LRP1B: variants seen among roughly 807,000 people sequenced by gnomAD.
LRP1B encodes the protein LDL receptor related protein 1B.
In LRP1B, 217 loss-of-function variants were observed where a neutral mutation model predicts 556.6. That is an observed-to-expected ratio of 0.39 (90% confidence interval 0.35 to 0.44). The LOEUF (loss-of-function observed/expected upper bound fraction) is 0.44, where lower values mean the gene tolerates loss of function less well. Ranked by LOEUF, LRP1B falls within the 20% of genes least tolerant of loss-of-function variation. The pLI, the probability that LRP1B is intolerant of heterozygous loss-of-function variation, is 1.00. For synonymous variants in LRP1B, 2,047 were observed against 1,865.8 expected (o/e 1.10, Z -2.50); for missense variants, 5,053 against 5,620.8 (o/e 0.90, Z 3.23).
chr2:141,154,127 C>T (rs1702008329), intron 7 of LRP1B, among the ~76,000 whole-genome samples: 1 of 151,798 alleles, frequency 6.6e-6, no homozygotes, highest in African/African-American at 2.4e-5. Flanking sequence ...TTCACTTGTT[C>T]AGTTCAATAG....
intron 29 of LRP1B, among the ~76,000 whole-genome samples, chr2:140,843,227 C>T (rs1396783799): frequency 6.6e-6 from 1 of 151,646 alleles, no homozygotes; most frequent in East Asian, 1.9e-4. Flanking sequence ...AATTGTAAAG[C>T]ATAGCCAAAT....
chr2:140,931,690 G>A lies in LRP1B; in HGVS notation c.3137-8543C>T, dbSNP rs548604519. On this transcript the variant is annotated intron_variant, in intron 20 of 90. Transcript: ENST00000389484. ...GTATCACCCAAGTTAAAGTACTATC[G>A]AAGCAAAATCTACATAAAACATTGA... 3.9e-5 allele frequency among the ~76,000 whole-genome samples: 6 copies of A among 152,126 alleles called. No individual in the cohort carries two copies. The South Asian group carries it at 1.0e-3, about 26-fold the overall frequency.
intron 3 of LRP1B, among the ~76,000 whole-genome samples, chr2:141,311,303 C>A (rs184541537): frequency 2.0e-5 from 3 of 152,126 alleles, no homozygotes; most frequent in Admixed American, 6.6e-5. Context: ...ATGATGCCAA[C>A]CTGAATTCTA....
chr2:140,959,822 C>G (rs573939792), intron 18 of LRP1B, among the ~76,000 whole-genome samples: 1 of 151,710 alleles, frequency 6.6e-6, no homozygotes, highest in Admixed American at 6.6e-5. Flanking sequence ...TTTAAAACTA[C>G]AGAAATTTCA....
intron 87 of LRP1B, among the ~76,000 whole-genome samples, chr2:140,245,424 A>T (rs1403260773): frequency 6.6e-6 from 1 of 151,408 alleles, no homozygotes; most frequent in East Asian, 1.9e-4. Flanking sequence ...AGTCTATGCT[A>T]TTTCTTGTCA....
intron 3 of LRP1B, among the ~76,000 whole-genome samples, chr2:141,457,949 C>T (rs1381451409): frequency 6.6e-6 from 1 of 151,970 alleles, no homozygotes; most frequent in Non-Finnish European, 1.5e-5. Flanking sequence ...GTAGTATGGT[C>T]AAAGGGAATC....
At chr2:141,899,352 A>G (rs1251690630) in intron 1 of LRP1B, among the ~76,000 whole-genome samples, 1 of 152,158 alleles carries the variant, frequency 6.6e-6, no homozygotes, top group Admixed American at 6.6e-5. Flanking sequence ...ATGCTGTGGT[A>G]AATACTTTTT....
At chr2:141,075,048 A>C (rs1327791260) in intron 7 of LRP1B, among the ~76,000 whole-genome samples, 1 of 152,120 alleles carries the variant, frequency 6.6e-6, no homozygotes, top group Admixed American at 6.6e-5. Context: ...TATTCCGAAA[A>C]GGGTTAGATT....
chr2:141,391,568 G>A (rs2104906399), intron 3 of LRP1B, among the ~76,000 whole-genome samples: 1 of 152,120 alleles, frequency 6.6e-6, no homozygotes, highest in East Asian at 1.9e-4. Context: ...TAATTGATTT[G>A]GGCCTAGTCT....
chr2:142,062,273 C>A (rs1353744537), intron 1 of LRP1B, among the ~76,000 whole-genome samples: 1 of 151,832 alleles, frequency 6.6e-6, no homozygotes, highest in Admixed American at 6.6e-5. Context: ...CTAGCTGCTA[C>A]TCACATACTG....
intron 2 of LRP1B, among the ~76,000 whole-genome samples, chr2:141,759,535 AT>A (rs1314927051): frequency 6.6e-6 from 1 of 152,218 alleles, no homozygotes; most frequent in African/African-American, 2.4e-5. Flanking sequence ...CAAAGATATA[AT>A]AGAAGAATAT....
intron 1 of LRP1B, among the ~76,000 whole-genome samples, chr2:141,991,913 G>A (rs931912445): frequency 1.3e-5 from 2 of 152,050 alleles, no homozygotes; most frequent in Admixed American, 6.6e-5. Flanking sequence ...ATAGAAGAGT[G>A]ACACTCTATA....
intron 67 of LRP1B, among the ~76,000 whole-genome samples, chr2:140,381,108 G>A (rs1034357328): frequency 2.6e-5 from 4 of 151,886 alleles, no homozygotes; most frequent in African/African-American, 9.7e-5. Context: ...ATATACCTCA[G>A]AATCTTTTGC....
At chr2:141,479,290 A>G (rs545619672) in intron 3 of LRP1B, among the ~76,000 whole-genome samples, 1 of 152,324 alleles carries the variant, frequency 6.6e-6, no homozygotes, top group South Asian at 2.1e-4. Flanking sequence ...AGGCCCCCAG[A>G]CAGGTTTTGT....
At chr2:141,602,157 A>G (rs1246365724) in intron 2 of LRP1B, among the ~76,000 whole-genome samples, 1 of 152,106 alleles carries the variant, frequency 6.6e-6, no homozygotes, top group Admixed American at 6.5e-5. Context: ...CTAGTTTTCA[A>G]TTTCATAAGG....
intron 7 of LRP1B, among the ~76,000 whole-genome samples, chr2:141,160,240 A>T (rs781603715): frequency 2.2e-4 from 34 of 152,192 alleles, no homozygotes; most frequent in Non-Finnish European, 4.9e-4. Context: ...TTGAATTGCT[A>T]AAGTAAAAAT....
chr2:141,258,049 A>G (rs1558965045), intron 3 of LRP1B, among the ~76,000 whole-genome samples: 1 of 152,230 alleles, frequency 6.6e-6, no homozygotes, highest in Non-Finnish European at 1.5e-5. Context: ...TAACATTATC[A>G]TTGGTTTGGA....
At chr2:141,716,321 A>G (rs1179007061) in intron 2 of LRP1B, among the ~76,000 whole-genome samples, 2 of 152,208 alleles carry the variant, frequency 1.3e-5, no homozygotes, top group Non-Finnish European at 2.9e-5. Context: ...TAATTTGGAG[A>G]ATGGGTCTTT....
intron 67 of LRP1B, among the ~76,000 whole-genome samples, chr2:140,382,930 G>T (rs1487298856): frequency 6.6e-6 from 1 of 152,224 alleles, no homozygotes; most frequent in South Asian, 2.1e-4. Flanking sequence ...ATACCATGGT[G>T]TTACAATTCC....
Sources: allele counts gnomAD v4.1 joint callset (sites outside exome capture counted in the v4.1 genomes callset), GRCh38; gene constraint gnomAD v4.1.1; transcripts MANE v1.5; gene names NCBI Gene and HGNC (gene_info 2026-07-23, HGNC 2026-07-21).